The following SHKBP1 variants were observed in gnomAD, a reference collection of about 807,000 sequenced individuals.
The protein encoded by SHKBP1 is SH3KBP1 binding protein 1.
Under a neutral mutation model 83.9 loss-of-function variants are expected in SHKBP1, and 71 were observed. The observed-to-expected ratio is 0.85, with a 90% confidence interval of 0.70 to 1.03. SHKBP1 has a LOEUF of 1.03. Among genes scored for constraint, SHKBP1 ranks in the 50% least tolerant of loss-of-function variants. SHKBP1 has a pLI of 0.00. For missense variants in SHKBP1, 824 were observed against 982.4 expected (o/e 0.84, Z 2.16); for synonymous variants, 371 against 398.0 (o/e 0.93, Z 0.81).
In SHKBP1 at chr19:40,588,639, A is replaced by G. The variant is rs1206974099; in HGVS notation, c.1352A>G (p.Asn451Ser). 8.1e-6 allele frequency: 13 copies of G among 1,614,066 alleles called. No homozygotes were observed. The highest frequency in any genetic ancestry group is 1.1e-5 in the Non-Finnish European group (13 of 1,180,020). ...KHLISVCADN[N>S]HVRTWSVTRF... ...TGCCCCTCAGTCTGTGCCGACAACA[A>G]CCACGTGCGGACATGGTCTGTGACT... Residue 451 changes from asparagine to serine, a missense_variant, in exon 14 of 18, where the codon AAC becomes AGC. Physicochemically the swap from Asn to Ser is conservative, Grantham distance 46. This residue lies in a region of SHKBP1 where 182 missense variants were observed against 273.1 expected (regional missense o/e 0.67). Coordinates refer to ENST00000291842, the MANE Select transcript of SHKBP1 (RefSeq NM_138392.4).
In SHKBP1 at chr19:40,580,390, C is replaced by A; in HGVS notation, c.467C>A (p.Ala156Asp). ...VGPQQLGGRP[A>D]PVRRSNTMPP... ...CCTCAGCAGCTAGGAGGACGGCCAG[C>A]CCCTGTCCGACGGAGCAACACGATG... Residue 156 changes from alanine (A) to aspartate (D), a missense_variant, in exon 7 of 18, where the codon GCC (alanine) becomes GAC (aspartate). Ala to Asp is a moderately radical substitution (Grantham distance 126). This residue lies in a region of SHKBP1 where 355 missense variants were observed against 386.4 expected (regional missense o/e 0.92). Coordinates refer to ENST00000291842, the MANE Select transcript of SHKBP1 (RefSeq NM_138392.4). The A allele has an allele frequency of 1.2e-6, 2 of 1,614,234 alleles. No individual in the cohort carries two copies. The highest frequency in any genetic ancestry group is 1.7e-6 in the Non-Finnish European group (2 of 1,180,046).
Position 40,577,460 on chromosome 19 carries a change from G to A in SHKBP1, c.186+19G>A. ...CGGAGCAGTGAGTCGGACAAGAACT[G>A]AAATGGGATGGGGGGGAGGGGTTGG... On this transcript the variant is annotated intron_variant, in intron 3 of 17. Coordinates refer to ENST00000291842, the MANE Select transcript of SHKBP1 (RefSeq NM_138392.4). 1 of 1,463,016 alleles carries A rather than the reference G, an allele frequency of 6.8e-7. No homozygotes were observed. The highest frequency in any genetic ancestry group is 1.1e-5 in the South Asian group (1 of 88,206). 90.6% of individuals were successfully genotyped at this position (1,463,016 alleles called of 1,614,324 possible). A position where few individuals can be genotyped will look rare whatever the true frequency, so the allele number is the denominator to read the frequency against.
chr19:40,590,343 C>T lies in SHKBP1; in HGVS notation c.1689C>T (p.Tyr563=), dbSNP rs1273189044. ...SRRLGSRPRR[Y]LLTGQANGSL... ...GGCTCGGCTCTCGGCCCCGGCGCTA[C>T]CTGCTCACTGGCCAGGCCAACGGCA... is the stretch of plus-strand genomic sequence containing the variant. The change falls in exon 16 of 18, where the codon TAC becomes TAT. Residue 563 remains tyrosine, a synonymous_variant. Transcript: ENST00000291842. This position sits in a 1 kb window ranked among gnomAD's most constrained non-coding sequence, Gnocchi z 4.6. 7 of 1,612,086 alleles carry T rather than the reference C, an allele frequency of 4.3e-6. No homozygotes were observed. The highest frequency in any genetic ancestry group is 5.9e-6 in the Non-Finnish European group (7 of 1,179,454).
intron 6 of SHKBP1, 93 bp downstream of exon 6, chr19:40,578,635 T>A (rs758525277): frequency 2.6e-6 from 3 of 1,135,756 alleles, no homozygotes; most frequent in South Asian, 1.3e-5. Flanking sequence ...GTGCTGTGCG[T>A]CCTGAGATAC....
At chr19:40,586,709 TTCTCCCTGCCCTGGTTTCTG>T in intron 12 of SHKBP1, 45 bp from the exon 13 acceptor site, 1 of 1,407,012 alleles carries the variant, frequency 7.1e-7, no homozygotes, top group Non-Finnish European at 9.4e-7. Flanking sequence ...GCCTGTTTCT[TTCTCCCTGCCCTGGTTTCTG>T]TCTCTGTGGC....
At chr19:40,577,016 C>A in intron 1 of SHKBP1, 31 bp downstream of exon 1, 1 of 1,452,084 alleles carries the variant, frequency 6.9e-7, no homozygotes, top group Non-Finnish European at 9.3e-7. Flanking sequence ...AGGTCCCATC[C>A]TCGGGGGCGG....
rs149963122 is a variant in SHKBP1, at chr19:40,591,333, G to A, written c.*126G>A. The A allele has an allele frequency of 6.2e-4, 481 of 770,716 alleles. 1 individual carries two copies. In the African/African-American group the frequency reaches 7.4e-3, roughly 12 times the overall value. 47.7% of individuals were successfully genotyped at this position (770,716 alleles called of 1,614,324 possible). A position where few individuals can be genotyped will look rare whatever the true frequency, so the allele number is the denominator to read the frequency against. ...TTGGAATAAATGGTTATTGTTACTA[G>A]GTCCCCACCTTCCCTCTTTTCTGGA... On this transcript the variant is annotated 3_prime_UTR_variant, in exon 18 of 18. Transcript: ENST00000291842.
At chr19:40,578,377 C>T in intron 5 of SHKBP1, 85 bp from the exon 6 acceptor site, 1 of 1,516,070 alleles carries the variant, frequency 6.6e-7, no homozygotes, top group African/African-American at 1.4e-5. Flanking sequence ...AGTATTGGTA[C>T]TCTGTGTAGA....
intron 8 of SHKBP1, 38 bp from the exon 9 acceptor site, chr19:40,580,708 A>T (rs758166827): frequency 1.9e-6 from 3 of 1,613,868 alleles, no homozygotes; most frequent in East Asian, 4.5e-5. Context: ...TGGGAAGGGC[A>T]TGCGGTGAGG....
chr19:40,588,540 C>T (rs891046010), intron 13 of SHKBP1, 84 bp from the exon 14 acceptor site: 10 of 1,542,890 alleles, frequency 6.5e-6, no homozygotes, highest in Non-Finnish European at 4.4e-6. Context: ...CCTCCTGAAA[C>T]GGGGCTGTCC....
Position 40,580,865 on chromosome 19 carries a change from T to G in SHKBP1, c.773T>G (p.Met258Arg), listed in dbSNP as rs1599839921. 1 of 1,612,744 alleles carries G rather than the reference T, an allele frequency of 6.2e-7. No homozygotes were observed. Among genetic ancestry groups the G allele is most frequent in the Non-Finnish European group, 8.5e-7 (1 of 1,179,300 alleles). The change falls in exon 9 of 18, where the codon ATG (methionine) becomes AGG (arginine). Residue 258 changes from methionine to arginine, a missense_variant. By Grantham distance (91) the Met-to-Arg change is moderately conservative. Coordinates refer to ENST00000291842, the MANE Select transcript of SHKBP1 (RefSeq NM_138392.4). Reference sequence around the variant, plus strand: ...GGGGCTTTGGGTGAACATGACAAGATGGTGGCAGCAGCCACCGGCAGCGAG... The same window carrying G: ...GGGGCTTTGGGTGAACATGACAAGAGGGTGGCAGCAGCCACCGGCAGCGAG... ...HGGALGEHDK[M>R]VAAATGSEIL...
In SHKBP1 at chr19:40,588,746, G is replaced by C. The variant is rs775526395; in HGVS notation, c.1459G>C (p.Gly487Arg). Residue 487 changes from glycine to arginine, a missense_variant, in exon 14 of 18, where the codon GGG becomes CGG. Transcript: ENST00000291842. ...FKILALESADGHGGCSAGNDI... is the reference protein window; with the variant it reads ...FKILALESADRHGGCSAGNDI... ...GATCCTGGCTCTGGAGTCGGCAGATGGGCATGGCGGCTGCAGTGCTGGCAA... is the reference window on the plus strand; with the variant it reads ...GATCCTGGCTCTGGAGTCGGCAGATCGGCATGGCGGCTGCAGTGCTGGCAA... 1 of 1,613,858 alleles carries C rather than the reference G, an allele frequency of 6.2e-7. No homozygotes were observed.
rs139235592 is a variant in SHKBP1 at position 40,586,861 on chromosome 19, C to G, written c.1253C>G (p.Ser418Trp). 1,345 of 1,613,012 alleles carry G rather than the reference C, an allele frequency of 8.3e-4. 1 individual carries two copies. The highest frequency in any genetic ancestry group is 1.1e-3 in the Non-Finnish European group (1,280 of 1,179,444). ...GTGCAGCACCCGGAGACTGTGGGCT[C>G]GGGGCCTCAGCTCTTCCAGACCTTC... ...VIVQHPETVGSGPQLFQTFTV... is the reference protein window; with the variant it reads ...VIVQHPETVGWGPQLFQTFTV... The change falls in exon 13 of 18, where the codon TCG becomes TGG. Residue 418 changes from serine (S) to tryptophan (W), a missense_variant. Around this residue, in one of 3 missense-constraint regions of SHKBP1, gnomAD observed 182 missense variants for 273.1 expected, o/e 0.67. Transcript: ENST00000291842.
intron 10 of SHKBP1, 25 bp downstream of exon 10, chr19:40,582,491 GC>G: frequency 6.2e-7 from 1 of 1,600,652 alleles, no homozygotes; most frequent in Non-Finnish European, 8.6e-7. Context: ...CAGCCTGGCT[GC>G]CCCCTTCCCA....
chr19:40,590,116 G>A lies in SHKBP1; in HGVS notation c.1590-128G>A. The A allele has an allele frequency of 9.1e-7, 1 of 1,099,468 alleles. No homozygotes were observed. Among genetic ancestry groups the A allele is most frequent in the Non-Finnish European group, 1.3e-6 (1 of 795,236 alleles). 68.1% of individuals were successfully genotyped at this position (1,099,468 alleles called of 1,614,324 possible). ...GGACCCTTGGGACTGGAACTCAAAAGCAGGCTAGGGATGGATAAAGATTGG... is the reference window on the plus strand; with the variant it reads ...GGACCCTTGGGACTGGAACTCAAAAACAGGCTAGGGATGGATAAAGATTGG... On this transcript the variant is annotated intron_variant, in intron 15 of 17. Transcript: ENST00000291842. This position sits in a 1 kb window ranked among gnomAD's most constrained non-coding sequence, Gnocchi z 4.6.
rs1230429947 is a variant in SHKBP1, at chr19:40,577,181, C to A, written c.87-50C>A. 7 of 1,604,264 alleles carry A rather than the reference C, an allele frequency of 4.4e-6. 1 individual carries two copies. In the Admixed American group the frequency reaches 1.0e-4, roughly 23 times the overall value. ...GGATCCTGCGGGAGGGGGACGCATT[C>A]CTCACCCGCTCCTCTTCATCTCTTG... On this transcript the variant is annotated intron_variant, in intron 1 of 17. Coordinates refer to ENST00000291842, the MANE Select transcript of SHKBP1 (RefSeq NM_138392.4).
At chr19:40,580,252 A>G in intron 6 of SHKBP1, 72 bp from the exon 7 acceptor site, 1 of 1,530,592 alleles carries the variant, frequency 6.5e-7, no homozygotes, top group Non-Finnish European at 8.9e-7. Flanking sequence ...AATCACCGTC[A>G]TATTTTAAGT....
Position 40,582,451 on chromosome 19 carries a change from C to T in SHKBP1, c.945C>T (p.Val315=). 1 of 1,614,066 alleles carries T rather than the reference C, an allele frequency of 6.2e-7. No individual in the cohort carries two copies. The highest frequency in any genetic ancestry group is 8.5e-7 in the Non-Finnish European group (1 of 1,179,966). The part of the protein sequence containing the change: ...HTGRIGVWNA[V]TKHWQVQEVQ... Reference sequence around the variant, plus strand: ...GGCGCATCGGGGTGTGGAATGCCGTCACCAAGCACTGGCAGGTCAGAGTTC... The same window carrying T: ...GGCGCATCGGGGTGTGGAATGCCGTTACCAAGCACTGGCAGGTCAGAGTTC... The change falls in exon 10 of 18, where the codon GTC becomes GTT. Residue 315 remains valine, a synonymous_variant. Coordinates refer to ENST00000291842, the MANE Select transcript of SHKBP1 (RefSeq NM_138392.4).
intron 15 of SHKBP1, among the ~76,000 whole-genome samples, chr19:40,589,684 A>T (rs141339550): frequency 1.3e-5 from 2 of 151,780 alleles, no homozygotes; most frequent in African/African-American, 4.8e-5. Flanking sequence ...CCTAGAGGAC[A>T]AGTAGGAAGG....
Sources: allele counts gnomAD v4.1 joint callset (sites outside exome capture counted in the v4.1 genomes callset), GRCh38; gene constraint gnomAD v4.1.1; regional missense constraint gnomAD v4.1.1; non-coding constraint Gnocchi (gnomAD v3.1); transcripts MANE v1.5; gene names NCBI Gene and HGNC (gene_info 2026-07-23, HGNC 2026-07-21).